KANK4: variants seen among roughly 807,000 people sequenced by gnomAD.
KANK4 encodes the protein KN motif and ankyrin repeat domains 4.
A neutral mutation model predicts 80.8 loss-of-function variants in KANK4; 50 were observed. The observed-to-expected ratio is 0.62, with a 90% CI of 0.49 to 0.78. The LOEUF (loss-of-function observed/expected upper bound fraction) is 0.78, where lower values mean the gene tolerates loss of function less well. Ranked by LOEUF, KANK4 falls within the 30% of genes least tolerant of loss-of-function variation. KANK4 has a pLI of 0.00. For synonymous variants in KANK4, 465 were observed against 506.9 expected (o/e 0.92, Z 1.11); for missense variants, 1,196 against 1,240.1 (o/e 0.96, Z 0.53).
chr1:62,267,801 CAAA>C (rs59851783), intron 5 of KANK4, among the ~76,000 whole-genome samples: 1 of 126,554 alleles, frequency 7.9e-6, no homozygotes. Context: ...GACTCCGTCT[CAAA>C]AAAAAAAAAA....
intron 1 of KANK4, among the ~76,000 whole-genome samples, chr1:62,318,673 C>T (rs926556967): frequency 2.3e-4 from 35 of 152,212 alleles, no homozygotes; most frequent in Non-Finnish European, 3.8e-4. Context: ...GCAAAGAACG[C>T]CCAGTCCCGC....
At chr1:62,291,979 A>C (rs927861923) in intron 1 of KANK4, among the ~76,000 whole-genome samples, 59 of 152,292 alleles carry the variant, frequency 3.9e-4, no homozygotes, top group African/African-American at 1.3e-3. Context: ...CTCTATTTCC[A>C]GAACATTTCA....
chr1:62,257,141 G>A (rs1188754906), intron 7 of KANK4, among the ~76,000 whole-genome samples: 1 of 152,104 alleles, frequency 6.6e-6, no homozygotes, highest in Non-Finnish European at 1.5e-5. Context: ...AGGTTGGAGT[G>A]CAGTGGTGTG....
At chr1:62,268,188 T>C (rs1381577607) in intron 5 of KANK4, 99 bp downstream of exon 5, 8 of 922,836 alleles carry the variant, frequency 8.7e-6, no homozygotes, top group Non-Finnish European at 1.4e-5. Flanking sequence ...GGCAAATGGA[T>C]GGGTACATGA....
At position 62,273,473 on chromosome 1, in the gene KANK4, C is replaced by T; in HGVS notation, c.1631G>A (p.Gly544Glu). The T allele has an allele frequency of 6.2e-7, 1 of 1,614,006 alleles. No homozygotes were observed. Among genetic ancestry groups the T allele is most frequent in the Non-Finnish European group, 8.5e-7 (1 of 1,179,958 alleles). Residue 544 changes from glycine to glutamate, a missense_variant, in exon 3 of 10, where the codon GGG (glycine) becomes GAG (glutamate). Coordinates refer to ENST00000371153, the MANE Select transcript of KANK4 (RefSeq NM_181712.5). ...TGGTGGCCTTCCCGGGTGCTCCTTC[C>T]CTGGGAGATTGGAACTGGTCTCCTC... ...GREETSSNLP[G>E]KEHPGRPPSS...
Position 62,273,238 on chromosome 1 carries a change from C to G in KANK4, c.1866G>C (p.Lys622Asn). The G allele has an allele frequency of 6.6e-7, 1 of 1,526,476 alleles. No homozygotes were observed. The highest frequency in any genetic ancestry group is 8.8e-7 in the Non-Finnish European group (1 of 1,136,682). 94.6% of individuals were successfully genotyped at this position (1,526,476 alleles called of 1,614,324 possible). A position where few individuals can be genotyped will look rare whatever the true frequency, so the allele number is the denominator to read the frequency against. Residue 622 changes from lysine to asparagine, a missense_variant, in exon 3 of 10, where the codon AAG becomes AAC. Physicochemically the swap from Lys to Asn is moderately conservative, Grantham distance 94. Transcript: ENST00000371153. Reference sequence around the variant, plus strand: ...GGGAGGAGGAGGAGGCCGGTGGCTCCTTGGGTGGGTGAGCCTGGGCCGAGT... The same window carrying G: ...GGGAGGAGGAGGAGGCCGGTGGCTCGTTGGGTGGGTGAGCCTGGGCCGAGT... Reference protein sequence around the residue: ...SAYSAQAHPPKEPPASSSSPP... With the variant: ...SAYSAQAHPPNEPPASSSSPP...
chr1:62,275,117 A>G (rs1239919668), intron 2 of KANK4, 30 bp from the exon 3 acceptor site: 1 of 1,538,600 alleles, frequency 6.5e-7, no homozygotes, highest in Admixed American at 2.1e-5. Context: ...TTAAAAAAAA[A>G]AAGCACAAAT....
At chr1:62,277,193 T>C (rs58323492) in intron 2 of KANK4, among the ~76,000 whole-genome samples, 2,940 of 152,334 alleles carry the variant, frequency 0.019, 92 homozygotes, top group African/African-American at 0.068. Flanking sequence ...ATGCTTATAG[T>C]ACAGGCTTCT....
chr1:62,273,880 G>C lies in KANK4; in HGVS notation c.1224C>G (p.Gly408=). The change falls in exon 3 of 10, where the codon GGC becomes GGG. Residue 408 remains glycine, a synonymous_variant. Transcript: ENST00000371153. The part of the protein sequence containing the change: ...FHQENAKDTQ[G]QTDVMVNTDP... ...CAGTGTTCACCATCACGTCCGTCTG[G>C]CCCTGAGTGTCTTTGGCGTTCTCTT... is the stretch of plus-strand genomic sequence containing the variant. The C allele has an allele frequency of 1.2e-6, 2 of 1,614,216 alleles. No homozygotes were observed. Among genetic ancestry groups the C allele is most frequent in the Non-Finnish European group, 1.7e-6 (2 of 1,180,040 alleles).
intron 4 of KANK4, among the ~76,000 whole-genome samples, 163 bp from the exon 5 acceptor site, chr1:62,268,668 G>C (rs1672088619): frequency 6.6e-6 from 1 of 152,166 alleles, no homozygotes; most frequent in Admixed American, 6.5e-5. Flanking sequence ...AGGAATCTTG[G>C]TGTCAGAAAG....
chr1:62,243,313 CA>C (rs753478313), intron 9 of KANK4, among the ~76,000 whole-genome samples: 27 of 151,582 alleles, frequency 1.8e-4, no homozygotes, highest in Non-Finnish European at 2.4e-4. Context: ...TTCTCAATTG[CA>C]GCACTATTGA....
At chr1:62,250,723 C>T (rs199755513) in intron 8 of KANK4, among the ~76,000 whole-genome samples, 1 of 11,682 alleles carries the variant, frequency 8.6e-5, no homozygotes, top group Non-Finnish European at 2.1e-4. Flanking sequence ...AAATAATTAA[C>T]GTATTTATGG....
chr1:62,294,307 G>A (rs1363658797), intron 1 of KANK4, among the ~76,000 whole-genome samples: 1 of 152,174 alleles, frequency 6.6e-6, no homozygotes, highest in Non-Finnish European at 1.5e-5. Flanking sequence ...ATGTTTCCTA[G>A]GAATTCAGCT....
chr1:62,313,924 C>G (rs895277273), intron 1 of KANK4, among the ~76,000 whole-genome samples: 27 of 152,242 alleles, frequency 1.8e-4, no homozygotes, highest in Middle Eastern at 3.4e-3. Flanking sequence ...TCATACTCAA[C>G]GTCGTACCTA....
chr1:62,238,068 C>G lies in KANK4; in HGVS notation c.*209G>C. 3 of 509,590 alleles carry G rather than the reference C, an allele frequency of 5.9e-6. No homozygotes were observed. The allele number at this position is 509,590 out of a possible 1,614,324, so 31.6% of individuals were successfully genotyped here. A position where few individuals can be genotyped will look rare whatever the true frequency, so the allele number is the denominator to read the frequency against. ...TTGCACCTTGAACCCTGCTCTGAAGCCCGTGTAGTTTTCAGGCTTGGCCTA... is the reference window on the plus strand; with the variant it reads ...TTGCACCTTGAACCCTGCTCTGAAGGCCGTGTAGTTTTCAGGCTTGGCCTA... On this transcript the variant is annotated 3_prime_UTR_variant, in exon 10 of 10. Coordinates refer to ENST00000371153, the MANE Select transcript of KANK4 (RefSeq NM_181712.5).
chr1:62,275,544 G>A (rs1231317762), intron 2 of KANK4, among the ~76,000 whole-genome samples: 1 of 152,152 alleles, frequency 6.6e-6, no homozygotes, highest in African/African-American at 2.4e-5. Context: ...AAAGAAATCT[G>A]CAAAAACAAC....
At chr1:62,266,512 CCACTGCA>C (rs1672024759) in intron 6 of KANK4, among the ~76,000 whole-genome samples, 2 of 150,746 alleles carry the variant, frequency 1.3e-5, no homozygotes, top group African/African-American at 2.4e-5. Context: ...ACCACTCACA[CCACTGCA>C]CACTCACACC....
At chr1:62,288,290 A>T (rs1672611689) in intron 1 of KANK4, among the ~76,000 whole-genome samples, 1 of 152,182 alleles carries the variant, frequency 6.6e-6, no homozygotes. Flanking sequence ...CTTCTGCCCC[A>T]TGATGGAAAA....
chr1:62,305,333 G>C (rs1644442252), intron 1 of KANK4, among the ~76,000 whole-genome samples: 1 of 152,022 alleles, frequency 6.6e-6, no homozygotes, highest in African/African-American at 2.4e-5. Flanking sequence ...TTTTGAGACA[G>C]AGTCTCGCTT....
Sources: gnomAD v4.1 joint callset for allele counts (sites outside exome capture counted in the v4.1 genomes callset) on GRCh38, gnomAD v4.1.1 for gene constraint, MANE v1.5 for transcripts, NCBI Gene and HGNC (gene_info 2026-07-23, HGNC 2026-07-21) for gene names.